The following JMJD1C variants were observed in gnomAD, a reference collection of about 807,000 sequenced individuals.
The protein encoded by JMJD1C is jumonji domain containing 1C.
In JMJD1C, 31 loss-of-function variants were observed where a neutral mutation model predicts 245.3. The observed-to-expected ratio is 0.13, with a 90% confidence interval of 0.09 to 0.17. JMJD1C has a LOEUF of 0.17. Among genes scored for constraint, JMJD1C ranks in the 10% least tolerant of loss-of-function variants. JMJD1C has a pLI of 1.00. For missense variants in JMJD1C, 2,691 were observed against 3,000.2 expected (o/e 0.90, Z 2.41); for synonymous variants, 1,057 against 1,017.4 (o/e 1.04, Z -0.74).
chr10:63,293,914 T>C (rs769714375), intron 2 of JMJD1C, among the ~76,000 whole-genome samples: 2 of 152,084 alleles, frequency 1.3e-5, no homozygotes, highest in Non-Finnish European at 1.5e-5. Context: ...GTATTATCTA[T>C]ATGCAGTAAA....
chr10:63,291,614 TAA>T (rs10650646), intron 2 of JMJD1C, among the ~76,000 whole-genome samples: 5 of 142,960 alleles, frequency 3.5e-5, no homozygotes, highest in Admixed American at 7.0e-5. Context: ...AAACTCCATC[TAA>T]AAAAAAAAAA....
chr10:63,384,797 T>C (rs528374261), intron 1 of JMJD1C, among the ~76,000 whole-genome samples: 23 of 152,328 alleles, frequency 1.5e-4, no homozygotes, highest in South Asian at 2.1e-4. Flanking sequence ...GGCTTCTCCA[T>C]ATCAGCAATA....
chr10:63,382,773 T>C, intron 1 of JMJD1C: 1 of 455,962 alleles, frequency 2.2e-6, no homozygotes, highest in Non-Finnish European at 4.4e-6. Flanking sequence ...TTATCCTAAT[T>C]CTGCCACCCA....
intron 3 of JMJD1C, among the ~76,000 whole-genome samples, chr10:63,234,271 GA>G (rs979460508): frequency 6.6e-5 from 10 of 151,832 alleles, no homozygotes; most frequent in African/African-American, 2.4e-4. Context: ...TGAGGCAGGT[GA>G]AACGCTGAGC....
intron 1 of JMJD1C, among the ~76,000 whole-genome samples, chr10:63,499,493 A>G (rs1361188837): frequency 6.6e-6 from 1 of 152,210 alleles, no homozygotes. Flanking sequence ...TGTAAAATGT[A>G]TAGGCAAGAC....
chr10:63,229,105 C>T (rs1849656257), intron 3 of JMJD1C, among the ~76,000 whole-genome samples: 1 of 152,008 alleles, frequency 6.6e-6, no homozygotes, highest in Admixed American at 6.6e-5. Context: ...ATAGATTAAT[C>T]TCTTAAGCTC....
chr10:63,284,444 G>C (rs532309443), intron 2 of JMJD1C, among the ~76,000 whole-genome samples: 2 of 152,312 alleles, frequency 1.3e-5, no homozygotes, highest in Admixed American at 6.5e-5. Flanking sequence ...GCTGAAGGCT[G>C]AGAGTGGTGT....
chr10:63,332,276 T>C (rs999709890), intron 2 of JMJD1C, among the ~76,000 whole-genome samples: 1 of 152,214 alleles, frequency 6.6e-6, no homozygotes, highest in Non-Finnish European at 1.5e-5. Flanking sequence ...TAAGCCACCA[T>C]ATGTGTCACT....
At chr10:63,452,278 GAAC>G (rs1051490475) in intron 1 of JMJD1C, among the ~76,000 whole-genome samples, 35 of 152,254 alleles carry the variant, frequency 2.3e-4, no homozygotes, top group African/African-American at 7.9e-4. Context: ...AAAACTGGGT[GAAC>G]AACTTAAAAC....
intron 3 of JMJD1C, among the ~76,000 whole-genome samples, chr10:63,247,719 C>CAAAAAAAAAAAAAAAAAAAAAAA (rs71025135): frequency 9.5e-6 from 1 of 105,504 alleles, no homozygotes. Flanking sequence ...GTGACAGAGC[C>CAAAAAAAAAAAAAAAAAAAAAAA]AAAAAAAAAA....
intron 18 of JMJD1C, 147 bp downstream of exon 18, chr10:63,189,021 C>G (rs372464268): frequency 1.7e-6 from 1 of 601,096 alleles, no homozygotes. Context: ...TTCTGACAAT[C>G]TTTTCGGTAC....
chr10:63,452,945 TG>T (rs1952165008), intron 1 of JMJD1C, among the ~76,000 whole-genome samples: 1 of 152,182 alleles, frequency 6.6e-6, no homozygotes, highest in Non-Finnish European at 1.5e-5. Context: ...TTCAAAATAT[TG>T]TTAATATACT....
chr10:63,298,892 C>T (rs1010757446), intron 2 of JMJD1C, among the ~76,000 whole-genome samples: 1 of 152,052 alleles, frequency 6.6e-6, no homozygotes, highest in African/African-American at 2.4e-5. Context: ...ACCACCACGC[C>T]TGGCTTTTTT....
chr10:63,208,887 G>A, intron 9 of JMJD1C, 86 bp from the exon 10 acceptor site: 2 of 1,154,458 alleles, frequency 1.7e-6, no homozygotes, highest in South Asian at 1.6e-5. Flanking sequence ...ATTCTATTAT[G>A]AAAGTAAAAG....
In JMJD1C at chr10:63,367,585, A is replaced by C. The variant is rs928703287; in HGVS notation, c.333+12733T>G. Among the ~76,000 whole-genome samples, 25 of 152,192 alleles carry C rather than the reference A, an allele frequency of 1.6e-4. 1 individual carries two copies. The highest frequency in any genetic ancestry group is 1.6e-3 in the Admixed American group (25 of 15,276). On this transcript the variant is annotated intron_variant, in intron 2 of 25. Coordinates refer to ENST00000399262, the MANE Select transcript of JMJD1C (RefSeq NM_032776.3). ...GAGGAAACTTTAAAAACTGGAAGGC[A>C]AAAATGACTAAGAAAAATCTAACTT...
chr10:63,314,430 C>T (rs1042375240), intron 2 of JMJD1C, among the ~76,000 whole-genome samples: 3 of 152,124 alleles, frequency 2.0e-5, no homozygotes, highest in African/African-American at 7.2e-5. Context: ...CATAGTGGCA[C>T]ACACCTGTAG....
intron 25 of JMJD1C, 122 bp from the exon 26 acceptor site, chr10:63,168,256 G>T (rs1238763876): frequency 2.3e-5 from 23 of 1,008,330 alleles, no homozygotes; most frequent in Non-Finnish European, 2.9e-5. Flanking sequence ...AAAAATGTTT[G>T]AAAGTGTTAA....
At chr10:63,295,960 T>TAAAC (rs1564748088) in intron 2 of JMJD1C, among the ~76,000 whole-genome samples, 1 of 5,310 alleles carries the variant, frequency 1.9e-4, no homozygotes, top group African/African-American at 1.0e-3. Flanking sequence ...TACACGTATA[T>TAAAC]GTGTGTGTGT....
intron 3 of JMJD1C, among the ~76,000 whole-genome samples, chr10:63,236,942 T>A (rs1335411394): frequency 6.6e-6 from 1 of 152,116 alleles, no homozygotes; most frequent in Admixed American, 6.5e-5. Flanking sequence ...AGAGACCCTG[T>A]CTCTAAATAT....
Sources: gnomAD v4.1 joint callset for allele counts (sites outside exome capture counted in the v4.1 genomes callset) on GRCh38, gnomAD v4.1.1 for gene constraint, MANE v1.5 for transcripts, NCBI Gene and HGNC (gene_info 2026-07-23, HGNC 2026-07-21) for gene names.